ZSCAN20: variants seen among roughly 807,000 people sequenced by gnomAD.
The protein encoded by ZSCAN20 is zinc finger and SCAN domain-containing protein 20.
In ZSCAN20, 39 loss-of-function variants were observed where a neutral mutation model predicts 97.1. The ratio of observed to expected loss-of-function variants is 0.40; its 90% CI spans 0.31 to 0.52. The LOEUF (loss-of-function observed/expected upper bound fraction) is 0.52. ZSCAN20 is among the 20% of genes least tolerant of loss of function. ZSCAN20 has a pLI of 0.49. For synonymous variants in ZSCAN20, 456 were observed against 467.3 expected, an observed-to-expected ratio of 0.98 and a Z score of 0.31; for missense variants, 1,115 against 1,290.4, an observed-to-expected ratio of 0.86 and a Z score of 2.08.
chr1:33,474,046 G>A (rs993113365), intron 1 of ZSCAN20, among the ~76,000 whole-genome samples: 2 of 152,236 alleles, frequency 1.3e-5, no homozygotes, highest in Non-Finnish European at 2.9e-5. Flanking sequence ...GGAAGCTGAA[G>A]CTGATTCATT....
chr1:33,487,790 G>A (rs1652427694), intron 2 of ZSCAN20, among the ~76,000 whole-genome samples: 1 of 152,000 alleles, frequency 6.6e-6, no homozygotes, highest in African/African-American at 2.4e-5. Flanking sequence ...GTACAGGCAT[G>A]TGCCACCATG....
rs574189154 is a variant in ZSCAN20 at position 33,493,522 on chromosome 1, A to G, written c.1780A>G (p.Ser594Gly). The change falls in exon 7 of 8, where the codon AGT (serine) becomes GGT (glycine). Residue 594 changes from serine (S) to glycine (G), a missense_variant. This residue lies in a region of ZSCAN20 where 554 missense variants were observed against 584.9 expected (regional missense o/e 0.95). Coordinates refer to ENST00000684572, the MANE Select transcript of ZSCAN20 (RefSeq NM_001377376.1). The surrounding 1 kb of genome is among the most constrained non-coding windows in gnomAD (Gnocchi z 4.3). ...AAGLPRCGQS[S>G]AETDAQEAWG... ...AGGTCTCCCTAGGTGTGGGCAGAGT[A>G]GTGCTGAGACTGATGCCCAGGAGGC... 6.2e-7 allele frequency: 1 copy of G among 1,614,022 alleles called. No homozygotes were observed. The highest frequency in any genetic ancestry group is 1.1e-5 in the South Asian group (1 of 91,076).
rs764484509 is a variant in ZSCAN20, at chr1:33,493,367, A to G, written c.1625A>G (p.Asn542Ser). Reference protein sequence around the residue: ...TLEQCRYRFKNLLRSYRKAKS... With the variant: ...TLEQCRYRFKSLLRSYRKAKS... ...GAGCAGTGTCGCTACAGATTCAAAA[A>G]CCTCCTTCGAAGCTACCGGAAAGCC... is the stretch of plus-strand genomic sequence containing the variant. Residue 542 changes from asparagine (N) to serine (S), a missense_variant, in exon 7 of 8, where the codon AAC becomes AGC. Asn to Ser is a conservative substitution (Grantham distance 46). Around this residue, in one of 3 missense-constraint regions of ZSCAN20, gnomAD observed 53 missense variants for 94.3 expected, o/e 0.56. Transcript: ENST00000684572. This position sits in a 1 kb window ranked among gnomAD's most constrained non-coding sequence, Gnocchi z 4.3. 1.2e-6 allele frequency: 2 copies of G among 1,612,234 alleles called. No homozygotes were observed. Among genetic ancestry groups the G allele is most frequent in the Non-Finnish European group, 8.5e-7 (1 of 1,179,552 alleles).
intron 1 of ZSCAN20, among the ~76,000 whole-genome samples, chr1:33,472,939 A>G (rs896148746): frequency 5.3e-5 from 8 of 151,030 alleles, no homozygotes; most frequent in Admixed American, 3.3e-4. Context: ...TCTGAAGGTG[A>G]GGGGGTTGAG....
intron 5 of ZSCAN20, among the ~76,000 whole-genome samples, chr1:33,490,526 C>A (rs1231842839): frequency 6.6e-6 from 1 of 152,110 alleles, no homozygotes. Flanking sequence ...GGTCTGTGTT[C>A]TTTATTTCTG....
Position 33,495,044 on chromosome 1 carries a change from G to A in ZSCAN20, c.2700G>A (p.Glu900=). The A allele has an allele frequency of 6.2e-7, 1 of 1,613,112 alleles. No homozygotes were observed. The highest frequency in any genetic ancestry group is 8.5e-7 in the Non-Finnish European group (1 of 1,179,306). ...LISHQRIHTG[E]KPYECAECGK... ...GTCACCAAAGAATCCATACGGGAGA[G>A]AAACCATATGAATGTGCCGAATGTG... is the stretch of plus-strand genomic sequence containing the variant. Residue 900 remains glutamate, a synonymous_variant, in exon 8 of 8, where the codon GAG becomes GAA. Coordinates refer to ENST00000684572, the MANE Select transcript of ZSCAN20 (RefSeq NM_001377376.1).
chr1:33,472,720 C>G (rs1319021702), intron 1 of ZSCAN20, 29 bp downstream of exon 1: 1 of 150,890 alleles, frequency 6.6e-6, no homozygotes, highest in Non-Finnish European at 1.5e-5. Flanking sequence ...GCGGGGGCAG[C>G]TGAGACGCAG....
At chr1:33,484,270 T>C (rs1436042083) in intron 2 of ZSCAN20, among the ~76,000 whole-genome samples, 1 of 152,224 alleles carries the variant, frequency 6.6e-6, no homozygotes, top group Non-Finnish European at 1.5e-5. Flanking sequence ...TTTTTCCTGA[T>C]CTTAGTGCAA....
At chr1:33,484,619 CTT>C (rs34906889) in intron 2 of ZSCAN20, among the ~76,000 whole-genome samples, 41 of 133,406 alleles carry the variant, frequency 3.1e-4, no homozygotes, top group Middle Eastern at 3.9e-3. Flanking sequence ...GATTTTGCAT[CTT>C]TTTTTTTTTT....
At position 33,491,097 on chromosome 1, in the gene ZSCAN20, T is replaced by A. The variant is rs1256906665; in HGVS notation, c.839T>A (p.Ile280Lys). 2 of 1,613,610 alleles carry A rather than the reference T, an allele frequency of 1.2e-6. No individual in the cohort carries two copies. The highest frequency in any genetic ancestry group is 2.7e-5 in the African/African-American group (2 of 74,734). Residue 280 changes from isoleucine (I) to lysine (K), a missense_variant, in exon 6 of 8, where the codon ATA (isoleucine) becomes AAA (lysine). This residue lies in a region of ZSCAN20 where 508 missense variants were observed against 611.2 expected (regional missense o/e 0.83). Transcript: ENST00000684572. This position sits in a 1 kb window ranked among gnomAD's most constrained non-coding sequence, Gnocchi z 4.3. ...QGPEFWGLSLINSGKRSTADY... is the reference protein window; with the variant it reads ...QGPEFWGLSLKNSGKRSTADY... ...CCAGAGTTTTGGGGTCTAAGTCTTA[T>A]AAATTCTGGGAAAAGGAGCACTGCA...
Position 33,500,282 on chromosome 1 carries a change from C to T in ZSCAN20, c.*4806C>T, listed in dbSNP as rs1653021316. On this transcript the variant is annotated 3_prime_UTR_variant, in exon 8 of 8. Transcript: ENST00000684572. The stretch of plus-strand genomic sequence containing the variant: ...CTGCAGCTGAGTGGGTGACCTTTCT[C>T]CTCACCTCCGTGTGCCGCATCTCTC... 6.6e-6 allele frequency among the ~76,000 whole-genome samples: 1 copy of T among 152,162 alleles called. No individual in the cohort carries two copies. Among genetic ancestry groups the T allele is most frequent in the Non-Finnish European group, 1.5e-5 (1 of 68,042 alleles).
rs543323259 is a variant in ZSCAN20, at chr1:33,501,163, C to T, written c.*5687C>T. ...GCTTGTTCATGACCACGTATGAGGT[C>T]GCCAACCCAACCCTGTTCCTGAAGT... On this transcript the variant is annotated 3_prime_UTR_variant, in exon 8 of 8. Transcript: ENST00000684572. Among the ~76,000 whole-genome samples the T allele has an allele frequency of 6.6e-6, 1 of 152,076 alleles. No individual in the cohort carries two copies. The highest frequency in any genetic ancestry group is 1.5e-5 in the Non-Finnish European group (1 of 68,016).
At chr1:33,492,762 G>C (rs1354880690) in intron 6 of ZSCAN20, 1 of 131,136 alleles carries the variant, frequency 7.6e-6, no homozygotes, top group African/African-American at 3.0e-5. Flanking sequence ...GCGGCAAAGC[G>C]AGACTCCGTC....
Position 33,494,829 on chromosome 1 carries a change from G to A in ZSCAN20, c.2485G>A (p.Gly829Arg), listed in dbSNP as rs768655877. The change falls in exon 8 of 8, where the codon GGA (glycine) becomes AGA (arginine). Residue 829 changes from glycine to arginine, a missense_variant. By Grantham distance (125) the Gly-to-Arg change is moderately radical. Transcript: ENST00000684572. ...TCCTGACCAGTGTAGTGAGCCTGGG[G>A]GAAACTTTGCCCAAAGCCCATCTTT... is the stretch of plus-strand genomic sequence containing the variant. The part of the protein sequence containing the change: ...GNPDQCSEPG[G>R]NFAQSPSFSA... 1 of 1,614,034 alleles carries A rather than the reference G, an allele frequency of 6.2e-7. No individual in the cohort carries two copies. The highest frequency in any genetic ancestry group is 1.3e-5 in the African/African-American group (1 of 74,918).
At chr1:33,473,329 T>C (rs1364150048) in intron 1 of ZSCAN20, among the ~76,000 whole-genome samples, 3 of 152,216 alleles carry the variant, frequency 2.0e-5, no homozygotes, top group Non-Finnish European at 2.9e-5. Flanking sequence ...TAATATCTTT[T>C]CAGTCGGCCT....
rs1652813730 is a variant in ZSCAN20 at position 33,495,230 on chromosome 1, T to C, written c.2886T>C (p.Leu962=). Residue 962 remains leucine (L), a synonymous_variant, in exon 8 of 8, where the codon CTT becomes CTC. Coordinates refer to ENST00000684572, the MANE Select transcript of ZSCAN20 (RefSeq NM_001377376.1). ...VHTGEKPYKC[L]ECGKFFRDRS... is the part of the protein sequence containing the mutation. ...CAGGAGAGAAGCCCTACAAATGCCTTGAGTGTGGAAAATTCTTCCGTGACC... is the reference window on the plus strand; with the variant it reads ...CAGGAGAGAAGCCCTACAAATGCCTCGAGTGTGGAAAATTCTTCCGTGACC... 1 of 1,613,508 alleles carries C rather than the reference T, an allele frequency of 6.2e-7. No individual in the cohort carries two copies. Among genetic ancestry groups the C allele is most frequent in the African/African-American group, 1.3e-5 (1 of 74,972 alleles).
chr1:33,496,747 T>C lies in ZSCAN20; in HGVS notation c.*1271T>C, dbSNP rs1459110596. Among the ~76,000 whole-genome samples, 1 of 152,154 alleles carries C rather than the reference T, an allele frequency of 6.6e-6. No homozygotes were observed. The highest frequency in any genetic ancestry group is 1.5e-5 in the Non-Finnish European group (1 of 68,030). On this transcript the variant is annotated 3_prime_UTR_variant, in exon 8 of 8. Transcript: ENST00000684572. ...CTGAGGTGGGAGGTGCTGGTGTATA[T>C]GGTCATCTACTGAGAGGGCCTTGAC...
chr1:33,482,863 C>T (rs1652205320), intron 2 of ZSCAN20, among the ~76,000 whole-genome samples: 1 of 152,290 alleles, frequency 6.6e-6, no homozygotes, highest in East Asian at 1.9e-4. Flanking sequence ...TGTATATTTT[C>T]TTTGGTGTGG....
chr1:33,479,178 G>A lies in ZSCAN20; in HGVS notation c.-110-1G>A. On this transcript the variant is annotated splice_acceptor_variant, in intron 1 of 7. Coordinates refer to ENST00000684572, the MANE Select transcript of ZSCAN20 (RefSeq NM_001377376.1). LOFTEE classifies it low-confidence loss of function (5UTR_SPLICE). ...CTCTATCCTTTGTCTTTCTGCCTTA[G>A]AGCCTTGGGGAGCAGTCCCTTTTCT... 8.4e-7 allele frequency: 1 copy of A among 1,187,522 alleles called. No homozygotes were observed. The highest frequency in any genetic ancestry group is 1.2e-6 in the Non-Finnish European group (1 of 840,578). The allele number at this position is 1,187,522 out of a possible 1,614,324, so 73.6% of individuals were successfully genotyped here. A position where few individuals can be genotyped will look rare whatever the true frequency, so the allele number is the denominator to read the frequency against.
Sources: gnomAD v4.1 joint callset for allele counts (sites outside exome capture counted in the v4.1 genomes callset) on GRCh38, gnomAD v4.1.1 for gene constraint, gnomAD v4.1.1 regional missense constraint, Gnocchi (gnomAD v3.1) non-coding constraint, MANE v1.5 for transcripts, NCBI Gene and HGNC (gene_info 2026-07-23, HGNC 2026-07-21) for gene names.